Variants in MALRD1 observed in about 807,000 individuals in gnomAD.
MALRD1 encodes the protein MAM and LDL receptor class A domain containing 1.
MALRD1 carries 247 observed loss-of-function variants against 242.1 expected under a neutral mutation model. That is an observed-to-expected ratio of 1.02 (90% CI 0.92 to 1.13). The LOEUF (loss-of-function observed/expected upper bound fraction) is 1.13, where lower values mean the gene tolerates loss of function less well. MALRD1 is among the 50% of genes most tolerant of loss of function. The pLI, the probability that MALRD1 is intolerant of heterozygous loss-of-function variation, is 0.00. For missense variants in MALRD1, 2,989 were observed against 2,533.1 expected, an observed-to-expected ratio of 1.18 and a Z score of -3.86; for synonymous variants, 995 against 866.6, an observed-to-expected ratio of 1.15 and a Z score of -2.60.
At chr10:19,556,648 G>C (rs775114648) in intron 32 of MALRD1, among the ~76,000 whole-genome samples, 1 of 152,052 alleles carries the variant, frequency 6.6e-6, no homozygotes, top group Admixed American at 6.6e-5. Context: ...GCCAGAGTTC[G>C]TTTATTCACC....
chr10:19,098,433 TA>T (rs1486732007), intron 4 of MALRD1, among the ~76,000 whole-genome samples: 1 of 152,186 alleles, frequency 6.6e-6, no homozygotes, highest in Admixed American at 6.5e-5. Context: ...AGCTTTGCAT[TA>T]AAAAATGTAA....
chr10:19,320,133 C>G (rs1028066645), intron 21 of MALRD1, among the ~76,000 whole-genome samples: 1 of 144,102 alleles, frequency 6.9e-6, no homozygotes, highest in Non-Finnish European at 1.5e-5. Flanking sequence ...ATACATGTGC[C>G]ATGGTGGTTA....
chr10:19,133,479 T>C (rs1384819509), intron 8 of MALRD1, among the ~76,000 whole-genome samples: 1 of 152,202 alleles, frequency 6.6e-6, no homozygotes, highest in Non-Finnish European at 1.5e-5. Context: ...CGTTTTCTTT[T>C]CTAGTATCAT....
intron 30 of MALRD1, among the ~76,000 whole-genome samples, chr10:19,498,103 A>G (rs971866046): frequency 6.6e-6 from 1 of 152,214 alleles, no homozygotes. Flanking sequence ...CTAATAGGCT[A>G]TGCTATTCAA....
At chr10:19,442,457 G>C (rs1292080760) in intron 28 of MALRD1, among the ~76,000 whole-genome samples, 1 of 152,106 alleles carries the variant, frequency 6.6e-6, no homozygotes, top group African/African-American at 2.4e-5. Context: ...CTGTGGGTTT[G>C]TTATAAACAG....
At position 19,136,301 on chromosome 10, in the gene MALRD1, G is replaced by A. The variant is rs550392887; in HGVS notation, c.1204-273G>A. ...CTTGTTTTTTGCCTGATCCTGGGAG[G>A]TTTCTCTGAGCCTTTAGTGGAGCAA... On this transcript the variant is annotated intron_variant, in intron 9 of 39. Transcript: ENST00000454679. 2.5e-3 allele frequency among the ~76,000 whole-genome samples: 374 copies of A among 150,744 alleles called. 1 individual carries two copies. The highest frequency in any genetic ancestry group is 6.9e-3 in the Middle Eastern group (2 of 290).
Position 19,137,342 on chromosome 10 carries a change from A to T in MALRD1, c.1411+561A>T, listed in dbSNP as rs558236888. 1.0e-3 allele frequency among the ~76,000 whole-genome samples: 159 copies of T among 152,188 alleles called. 1 individual carries two copies. The highest frequency in any genetic ancestry group is 3.6e-3 in the African/African-American group (149 of 41,550). The stretch of plus-strand genomic sequence containing the variant: ...TTCAGCCAGCCGGGTGCAATGGCTC[A>T]CACCTGTAATCCCAGCACTTTGGGA... On this transcript the variant is annotated intron_variant, in intron 10 of 39. Transcript: ENST00000454679.
intron 1 of MALRD1, among the ~76,000 whole-genome samples, chr10:19,065,009 C>T (rs908099114): frequency 4.6e-5 from 7 of 151,760 alleles, no homozygotes; most frequent in South Asian, 4.2e-4. Flanking sequence ...AGAAAAGGGC[C>T]GGGTGCGGTT....
chr10:19,086,802 A>G (rs1835683416), intron 2 of MALRD1, among the ~76,000 whole-genome samples: 1 of 152,020 alleles, frequency 6.6e-6, no homozygotes, highest in African/African-American at 2.4e-5. Flanking sequence ...GACTAAGAGT[A>G]TTTTAGGGTT....
chr10:19,204,464 T>C, intron 16 of MALRD1, 51 bp downstream of exon 16: 10 of 1,295,738 alleles, frequency 7.7e-6, no homozygotes. Flanking sequence ...ACCCTGGTGG[T>C]GAAGTGTTTG....
intron 35 of MALRD1, 145 bp from the exon 36 acceptor site, chr10:19,615,712 C>A: frequency 1.6e-6 from 1 of 626,108 alleles, no homozygotes; most frequent in Non-Finnish European, 2.7e-6. Flanking sequence ...AGGAAAGTAG[C>A]CTATGGGAAT....
At chr10:19,415,423 T>G (rs1833477885) in intron 28 of MALRD1, among the ~76,000 whole-genome samples, 1 of 152,142 alleles carries the variant, frequency 6.6e-6, no homozygotes, top group Non-Finnish European at 1.5e-5. Flanking sequence ...TCCCTCTAAT[T>G]TTTTATTTGT....
intron 2 of MALRD1, among the ~76,000 whole-genome samples, chr10:19,077,041 A>G (rs1480829525): frequency 1.3e-5 from 2 of 151,782 alleles, no homozygotes; most frequent in African/African-American, 4.8e-5. Flanking sequence ...TAAGTCTTTT[A>G]TTGTTTTTGA....
chr10:19,532,339 C>T (rs753085928), intron 32 of MALRD1, among the ~76,000 whole-genome samples: 6 of 152,158 alleles, frequency 3.9e-5, no homozygotes, highest in Non-Finnish European at 8.8e-5. Flanking sequence ...ACTGGAACCT[C>T]CGCCTCCCAG....
intron 31 of MALRD1, among the ~76,000 whole-genome samples, chr10:19,514,804 C>T (rs1833556386): frequency 6.6e-6 from 1 of 152,024 alleles, no homozygotes; most frequent in Admixed American, 6.5e-5. Context: ...AAAAGGAAAG[C>T]CTTTTACAAT....
intron 18 of MALRD1, among the ~76,000 whole-genome samples, chr10:19,228,997 TGTG>T (rs1837925863): frequency 6.6e-6 from 1 of 152,078 alleles, no homozygotes; most frequent in Admixed American, 6.6e-5. Context: ...TGTGTGTGTG[TGTG>T]TGTAAGTGTG....
chr10:19,138,664 C>T (rs1833439239), intron 10 of MALRD1, among the ~76,000 whole-genome samples: 1 of 152,152 alleles, frequency 6.6e-6, no homozygotes, highest in South Asian at 2.1e-4. Context: ...AGGTGATCCA[C>T]CTGCCTCAGC....
intron 11 of MALRD1, among the ~76,000 whole-genome samples, chr10:19,151,072 T>C (rs1397952257): frequency 6.6e-6 from 1 of 152,168 alleles, no homozygotes; most frequent in African/African-American, 2.4e-5. Flanking sequence ...GACTACTTTT[T>C]CCTATTTTCC....
chr10:19,539,490 A>G (rs956295841), intron 32 of MALRD1, among the ~76,000 whole-genome samples: 6 of 152,046 alleles, frequency 3.9e-5, no homozygotes, highest in Non-Finnish European at 7.4e-5. Context: ...TGTGTTCTGC[A>G]TATTATATTT....
Sources: allele counts gnomAD v4.1 joint callset (sites outside exome capture counted in the v4.1 genomes callset), GRCh38; gene constraint gnomAD v4.1.1; transcripts MANE v1.5; gene names NCBI Gene and HGNC (gene_info 2026-07-23, HGNC 2026-07-21).